The following SLC4A1 variants were observed in gnomAD, a reference collection of about 807,000 sequenced individuals.
SLC4A1 encodes the protein band 3 anion transport protein.
SLC4A1 carries 29 observed loss-of-function variants against 93.1 expected under a neutral mutation model. The observed-to-expected ratio is 0.31, with a 90% confidence interval of 0.23 to 0.42. The LOEUF (loss-of-function observed/expected upper bound fraction) is 0.42. Ranked by LOEUF, SLC4A1 falls within the 20% of genes least tolerant of loss-of-function variation. The probability of loss-of-function intolerance (pLI) is 1.00; values close to 1 mark genes in which losing one functional copy is unlikely to be tolerated. For synonymous variants in SLC4A1, 469 were observed against 497.2 expected (o/e 0.94, Z 0.76); for missense variants, 965 against 1,190.1 (o/e 0.81, Z 2.78).
At position 44,263,016 on chromosome 17, in the gene SLC4A1, G is replaced by C; in HGVS notation, c.-68-82C>G. 7.0e-6 allele frequency: 8 copies of C among 1,142,112 alleles called. No homozygotes were observed. In the South Asian group the frequency reaches 9.9e-5, roughly 14 times the overall value. The allele number at this position is 1,142,112 out of a possible 1,614,324, so 70.7% of individuals were successfully genotyped here. The stretch of plus-strand genomic sequence containing the variant: ...CTCCTCCAGAGGGGGCCACATGTCA[G>C]TGGAGGGGATCCACGTGTTGGAGGT... On this transcript the variant is annotated intron_variant, in intron 1 of 19. Coordinates refer to ENST00000262418, the MANE Select transcript of SLC4A1 (RefSeq NM_000342.4).
chr17:44,262,323 C>T (rs1199592208), intron 3 of SLC4A1, among the ~76,000 whole-genome samples: 1 of 152,206 alleles, frequency 6.6e-6, no homozygotes, highest in Admixed American at 6.5e-5. Flanking sequence ...AGAACAAGCC[C>T]ATTTTCTGGC....
Position 44,259,247 on chromosome 17 carries a change from G to A in SLC4A1, c.792C>T (p.Phe264=), listed in dbSNP as rs1230209152. 2.5e-6 allele frequency: 4 copies of A among 1,613,932 alleles called. No individual in the cohort carries two copies. In the Admixed American group the frequency reaches 5.0e-5, roughly 20 times the overall value. The change falls in exon 9 of 20, where the codon TTC becomes TTT. Residue 264 remains phenylalanine (F), a synonymous_variant. Transcript: ENST00000262418. ...EAVELPVPIR[F]LFVLLGPEAP... ...CCTCAGGTCCCAGCAACACAAAGAGGAAGCGTATAGGCACCGGCAGCTCCA... is the reference window on the plus strand; with the variant it reads ...CCTCAGGTCCCAGCAACACAAAGAGAAAGCGTATAGGCACCGGCAGCTCCA...
At chr17:44,266,205 G>GGACCCTGAT (rs1192592477) in intron 1 of SLC4A1, among the ~76,000 whole-genome samples, 1 of 151,990 alleles carries the variant, frequency 6.6e-6, no homozygotes, top group Non-Finnish European at 1.5e-5. Flanking sequence ...TTGCTCCTGA[G>GGACCCTGAT]GACCCTGATG....
intron 9 of SLC4A1, 54 bp downstream of exon 9, chr17:44,259,109 C>T: frequency 8.2e-6 from 13 of 1,583,598 alleles, no homozygotes; most frequent in Non-Finnish European, 1.0e-5. Context: ...CAGGCCTCAG[C>T]CACCATGCAG....
At position 44,253,284 on chromosome 17, in the gene SLC4A1, C is replaced by T; in HGVS notation, c.2145G>A (p.Val715=). 1 of 1,614,040 alleles carries T rather than the reference C, an allele frequency of 6.2e-7. No individual in the cohort carries two copies. The highest frequency in any genetic ancestry group is 8.5e-7 in the Non-Finnish European group (1 of 1,179,996). ...DLLLVVGMGG[V]AALFGMPWLS... is the part of the protein sequence containing the mutation. ...GCCAGGGCATCCCAAAGAGGGCGGC[C>T]ACCCCACCCATGCCTACTACCAGCA... The change falls in exon 17 of 20, where the codon GTG becomes GTA. Residue 715 remains valine (V), a synonymous_variant. Coordinates refer to ENST00000262418, the MANE Select transcript of SLC4A1 (RefSeq NM_000342.4).
At chr17:44,265,430 C>T (rs1472510316) in intron 1 of SLC4A1, among the ~76,000 whole-genome samples, 1 of 152,036 alleles carries the variant, frequency 6.6e-6, no homozygotes, top group Non-Finnish European at 1.5e-5. Context: ...AGTGCAGTGG[C>T]GCGATCTTGG....
chr17:44,251,631 C>T, intron 17 of SLC4A1, 43 bp from the exon 18 acceptor site: 6 of 1,607,742 alleles, frequency 3.7e-6, no homozygotes, highest in Non-Finnish European at 5.1e-6. Flanking sequence ...TGCCCGAGGC[C>T]TGGCACCAGT....
chr17:44,263,347 C>G (rs1318700677), intron 1 of SLC4A1, among the ~76,000 whole-genome samples: 1 of 152,196 alleles, frequency 6.6e-6, no homozygotes, highest in Admixed American at 6.5e-5. Context: ...AACACATGCT[C>G]TTCTCTCAGA....
chr17:44,254,762 G>T (rs1235247526), intron 15 of SLC4A1, 100 bp from the exon 16 acceptor site: 3 of 1,048,516 alleles, frequency 2.9e-6, no homozygotes, highest in Non-Finnish European at 4.3e-6. Context: ...AGTTAGGTTG[G>T]AGGCACTTGG....
At chr17:44,253,668 T>C (rs1343416938) in intron 16 of SLC4A1, among the ~76,000 whole-genome samples, 2 of 151,290 alleles carry the variant, frequency 1.3e-5, no homozygotes, top group Non-Finnish European at 2.9e-5. Context: ...TCATTTTGCA[T>C]TTTTTTTTCT....
In SLC4A1 at chr17:44,262,953, G is replaced by A; in HGVS notation, c.-68-19C>T. ...CGGGTCCCTGCAGCAGAGGGCACAG[G>A]CTGAGTGGGGCACAGGGCATCCCAG... is the stretch of plus-strand genomic sequence containing the variant. On this transcript the variant is annotated intron_variant, in intron 1 of 19. Coordinates refer to ENST00000262418, the MANE Select transcript of SLC4A1 (RefSeq NM_000342.4). 6.2e-7 allele frequency: 1 copy of A among 1,606,582 alleles called. No individual in the cohort carries two copies. Among genetic ancestry groups the A allele is most frequent in the African/African-American group, 1.3e-5 (1 of 74,934 alleles).
chr17:44,251,486 A>G lies in SLC4A1; in HGVS notation c.2414T>C (p.Leu805Pro). 6.2e-7 allele frequency: 1 copy of G among 1,614,184 alleles called. No homozygotes were observed. Among genetic ancestry groups the G allele is most frequent in the Non-Finnish European group, 8.5e-7 (1 of 1,180,032 alleles). Residue 805 changes from leucine (L) to proline (P), a missense_variant, in exon 18 of 20, where the codon CTC becomes CCC. Transcript: ENST00000262418. ...MGVTSLSGIQ[L>P]FDRILLLFKP... Reference sequence around the variant, plus strand: ...GAACAGAAGCAAGATGCGGTCAAAGAGCTGGATGCCGCTGAGCGACGTGAC... The same window carrying G: ...GAACAGAAGCAAGATGCGGTCAAAGGGCTGGATGCCGCTGAGCGACGTGAC...
rs1555596278 is a variant in SLC4A1 at position 44,258,171 on chromosome 17, C to G, written c.1097G>C (p.Gly366Ala). Residue 366 changes from glycine (G) to alanine (A), a missense_variant, in exon 11 of 20, where the codon GGG becomes GCG. Physicochemically the swap from Gly to Ala is moderately conservative, Grantham distance 60. Coordinates refer to ENST00000262418, the MANE Select transcript of SLC4A1 (RefSeq NM_000342.4). This position sits in a 1 kb window ranked among gnomAD's most constrained non-coding sequence, Gnocchi z 6.1. Reference sequence around the variant, plus strand: ...CTGCTGCAGAGGGTCATCTGGGCCCCCATTTAAGTCTGTGGTGGAGGATAA... The same window carrying G: ...CTGCTGCAGAGGGTCATCTGGGCCCGCATTTAAGTCTGTGGTGGAGGATAA... Reference protein sequence around the residue: ...SSFYKGLDLNGGPDDPLQQTG... With the variant: ...SSFYKGLDLNAGPDDPLQQTG... 1.9e-6 allele frequency: 3 copies of G among 1,613,916 alleles called. No homozygotes were observed. The highest frequency in any genetic ancestry group is 2.5e-6 in the Non-Finnish European group (3 of 1,179,988).
chr17:44,265,505 G>A (rs2047488897), intron 1 of SLC4A1, among the ~76,000 whole-genome samples: 1 of 152,096 alleles, frequency 6.6e-6, no homozygotes, highest in Admixed American at 6.5e-5. Flanking sequence ...GAGTAGCTGG[G>A]ACTACAGGCG....
At chr17:44,260,288 G>A (rs1334322574) in intron 6 of SLC4A1, 116 bp downstream of exon 6, 2 of 1,288,176 alleles carry the variant, frequency 1.6e-6, no homozygotes, top group Non-Finnish European at 2.2e-6. Context: ...GGAGGAAAGT[G>A]GGCCCCTGCC....
rs2047314139 is a variant in SLC4A1 at position 44,248,680 on chromosome 17, T to G, written c.*1778A>C. ...CATTTTACAGACGAGGAAACTGAAC[T>G]GTAGCATGGGCGAAGTGGTGAAAGG... On this transcript the variant is annotated 3_prime_UTR_variant, in exon 20 of 20. Coordinates refer to ENST00000262418, the MANE Select transcript of SLC4A1 (RefSeq NM_000342.4). 6.4e-6 allele frequency: 1 copy of G among 155,554 alleles called. No homozygotes were observed. Among genetic ancestry groups the G allele is most frequent in the African/African-American group, 2.4e-5 (1 of 41,382 alleles). 9.6% of individuals were successfully genotyped at this position (155,554 alleles called of 1,614,324 possible). A position where few individuals can be genotyped will look rare whatever the true frequency, so the allele number is the denominator to read the frequency against.
chr17:44,260,916 C>T, intron 4 of SLC4A1, 101 bp from the exon 5 acceptor site: 1 of 1,372,096 alleles, frequency 7.3e-7, no homozygotes, highest in South Asian at 1.2e-5. Context: ...AGGCTTGGAT[C>T]CCTGTGCTCA....
chr17:44,261,571 T>C lies in SLC4A1; in HGVS notation c.168+4A>G. ...GAAAGAACGGAGGAGGCTGGGGTCCTCACCTTGTGGGTACCCGGGTGTGAT... is the reference window on the plus strand; with the variant it reads ...GAAAGAACGGAGGAGGCTGGGGTCCCCACCTTGTGGGTACCCGGGTGTGAT... On this transcript the variant is annotated splice_donor_region_variant and intron_variant, in intron 4 of 19. Coordinates refer to ENST00000262418, the MANE Select transcript of SLC4A1 (RefSeq NM_000342.4). 1 of 1,614,174 alleles carries C rather than the reference T, an allele frequency of 6.2e-7. No individual in the cohort carries two copies. The highest frequency in any genetic ancestry group is 8.5e-7 in the Non-Finnish European group (1 of 1,180,000).
In SLC4A1 at chr17:44,257,410, C is replaced by T. The variant is rs1256065540; in HGVS notation, c.1566G>A (p.Glu522=). The T allele has an allele frequency of 6.2e-7, 1 of 1,613,980 alleles. No individual in the cohort carries two copies. Among genetic ancestry groups the T allele is most frequent in the African/African-American group, 1.3e-5 (1 of 74,896 alleles). ...LVRFISRYTQ[E]IFSFLISLIF... ...TGAGGGAAATGAGGAAGGAGAAGAT[C>T]TCCTGGGTATAGCGGGAGATGAAGC... The change falls in exon 13 of 20, where the codon GAG becomes GAA. Residue 522 remains glutamate, a synonymous_variant. Transcript: ENST00000262418.
Sources: gnomAD v4.1 joint callset for allele counts (sites outside exome capture counted in the v4.1 genomes callset) on GRCh38, gnomAD v4.1.1 for gene constraint, Gnocchi (gnomAD v3.1) non-coding constraint, MANE v1.5 for transcripts, NCBI Gene and HGNC (gene_info 2026-07-23, HGNC 2026-07-21) for gene names.